ROPN1L: variants seen among roughly 807,000 people sequenced by gnomAD.
The protein encoded by ROPN1L is ropporin-1-like protein.
Under a neutral mutation model 22.7 loss-of-function variants are expected in ROPN1L, and 23 were observed. That is an observed-to-expected ratio of 1.01 (90% CI 0.73 to 1.43). The LOEUF (loss-of-function observed/expected upper bound fraction) is 1.43, where lower values mean the gene tolerates loss of function less well. ROPN1L is among the 40% of genes most tolerant of loss of function. ROPN1L has a pLI of 0.00. For synonymous variants in ROPN1L, 116 were observed against 117.8 expected (o/e 0.98, Z 0.10); for missense variants, 271 against 291.5 (o/e 0.93, Z 0.51).
downstream of ROPN1L, chr5:10,472,124 G>T (rs936016974): frequency 6.6e-6 from 1 of 152,240 alleles, no homozygotes; most frequent in Non-Finnish European, 1.5e-5. Flanking sequence ...CTCCAAGGAG[G>T]AGAAGTTGGG....
downstream of ROPN1L, among the ~76,000 whole-genome samples, chr5:10,467,857 C>T (rs973004959): frequency 6.6e-6 from 1 of 152,198 alleles, no homozygotes; most frequent in African/African-American, 2.4e-5. Flanking sequence ...GCCAAGGCCT[C>T]ATTCGGAGGA....
chr5:10,470,892 C>T (rs570477928), intron 4 of ROPN1L, among the ~76,000 whole-genome samples: 10 of 152,310 alleles, frequency 6.6e-5, no homozygotes, highest in South Asian at 2.1e-4. Flanking sequence ...CTGCCACGTA[C>T]GGGTTTTGCA....
At chr5:10,464,094 G>A (rs1272448090) in intron 4 of ROPN1L, among the ~76,000 whole-genome samples, 3 of 152,162 alleles carry the variant, frequency 2.0e-5, no homozygotes, top group Non-Finnish European at 4.4e-5. Flanking sequence ...TGTCCCAGCC[G>A]TCCTCGTCTC....
At chr5:10,454,644 G>C (rs150691185) in intron 3 of ROPN1L, among the ~76,000 whole-genome samples, 1 of 152,296 alleles carries the variant, frequency 6.6e-6, no homozygotes, top group African/African-American at 2.4e-5. Flanking sequence ...AAACGCATTT[G>C]AACTTTCTTA....
At chr5:10,466,803 A>T (rs187949687), downstream of ROPN1L, among the ~76,000 whole-genome samples, 87 of 152,230 alleles carry the variant, frequency 5.7e-4, no homozygotes, top group Non-Finnish European at 1.5e-4. Flanking sequence ...AGCACCGGAG[A>T]CCCAGTGCTT....
At chr5:10,453,352 C>G (rs1033694011) in intron 3 of ROPN1L, among the ~76,000 whole-genome samples, 1 of 152,092 alleles carries the variant, frequency 6.6e-6, no homozygotes, top group Non-Finnish European at 1.5e-5. Flanking sequence ...AGGAGGTGCT[C>G]GGACCCTCCA....
chr5:10,454,316 A>G (rs768451994), intron 3 of ROPN1L, among the ~76,000 whole-genome samples: 6 of 152,078 alleles, frequency 3.9e-5, no homozygotes, highest in Admixed American at 6.6e-5. Context: ...AGAGACAAGT[A>G]TCTTGCCATG....
At chr5:10,442,931 G>T (rs1740932725) in intron 1 of ROPN1L, among the ~76,000 whole-genome samples, 1 of 152,218 alleles carries the variant, frequency 6.6e-6, no homozygotes, top group Non-Finnish European at 1.5e-5. Flanking sequence ...GGCATTAAAA[G>T]AAATCCTCTT....
downstream of ROPN1L, among the ~76,000 whole-genome samples, chr5:10,469,986 A>G (rs1483501772): frequency 6.6e-6 from 1 of 152,244 alleles, no homozygotes; most frequent in Non-Finnish European, 1.5e-5. Flanking sequence ...TCATTGTGTG[A>G]GAGAATCTAA....
chr5:10,478,604 G>A, the ROPN1L span, among the ~76,000 whole-genome samples: 3 of 152,136 alleles, frequency 2.0e-5, no homozygotes, highest in Non-Finnish European at 2.9e-5. Flanking sequence ...CTGTGCGTAC[G>A]ACTGTGCATC....
At chr5:10,466,450 T>G (rs1041593953), downstream of ROPN1L, among the ~76,000 whole-genome samples, 6 of 152,182 alleles carry the variant, frequency 3.9e-5, no homozygotes, top group Admixed American at 3.9e-4. Flanking sequence ...ACAGCATCAC[T>G]GGGCTCAAGA....
At chr5:10,463,701 G>A (rs1431504235) in intron 4 of ROPN1L, among the ~76,000 whole-genome samples, 1 of 152,148 alleles carries the variant, frequency 6.6e-6, no homozygotes, top group Non-Finnish European at 1.5e-5. Context: ...GCAGGTGCCG[G>A]GGATGTAGTC....
intron 3 of ROPN1L, among the ~76,000 whole-genome samples, chr5:10,455,658 C>G (rs906674965): frequency 6.6e-6 from 1 of 152,242 alleles, no homozygotes; most frequent in Non-Finnish European, 1.5e-5. Context: ...ACTGCTCCTT[C>G]CCATTCAGGG....
rs1392584471 is a variant in ROPN1L at position 10,441,962 on chromosome 5, G to A, written c.-206G>A. ...GCAGGGTCTAGGGTGTTGTCGGAGT[G>A]GCAGTTGGTCCGAATTTCTCCCGAA... On this transcript the variant is annotated 5_prime_UTR_variant, in exon 1 of 5. Transcript: ENST00000274134. 6 of 591,014 alleles carry A rather than the reference G, an allele frequency of 1.0e-5. No homozygotes were observed. In the East Asian group the frequency reaches 1.5e-4, roughly 15 times the overall value. 36.6% of individuals were successfully genotyped at this position (591,014 alleles called of 1,614,324 possible). A position where few individuals can be genotyped will look rare whatever the true frequency, so the allele number is the denominator to read the frequency against.
chr5:10,459,711 G>A (rs556646646), intron 3 of ROPN1L, among the ~76,000 whole-genome samples: 18 of 152,090 alleles, frequency 1.2e-4, no homozygotes, highest in Admixed American at 2.6e-4. Context: ...TGCTCTGACC[G>A]TCCCTGACCA....
chr5:10,448,797 C>T (rs541553281), intron 2 of ROPN1L, among the ~76,000 whole-genome samples: 1 of 152,330 alleles, frequency 6.6e-6, no homozygotes, highest in South Asian at 2.1e-4. Flanking sequence ...GTCTGGAAGG[C>T]GGGGCTGGCC....
intron 1 of ROPN1L, among the ~76,000 whole-genome samples, chr5:10,445,879 C>T (rs1303248847): frequency 6.6e-6 from 1 of 152,206 alleles, no homozygotes; most frequent in Non-Finnish European, 1.5e-5. Flanking sequence ...GCCATGTTCA[C>T]AACACTCTAC....
downstream of ROPN1L, among the ~76,000 whole-genome samples, chr5:10,467,145 C>T (rs12520289): frequency 3.3e-5 from 5 of 151,894 alleles, no homozygotes; most frequent in Non-Finnish European, 5.9e-5. Flanking sequence ...AGTTCCTCCG[C>T]GCCACATTAC....
At position 10,450,112 on chromosome 5, in the gene ROPN1L, G is replaced by A. The variant is rs1394581689; in HGVS notation, c.416G>A (p.Gly139Glu). ...FLALGCSMLGGSLNTALKHLC... is the reference protein window; with the variant it reads ...FLALGCSMLGESLNTALKHLC... ...GCGCTTGGATGCAGCATGCTTGGTGGGGTATGTACCTATAAACAGCATATT... is the reference window on the plus strand; with the variant it reads ...GCGCTTGGATGCAGCATGCTTGGTGAGGTATGTACCTATAAACAGCATATT... The change falls in exon 3 of 5, where the codon GGG becomes GAG. Residue 139 changes from glycine to glutamate, a missense_variant and splice_region_variant. Physicochemically the swap from Gly to Glu is moderately conservative, Grantham distance 98. Transcript: ENST00000274134. The A allele has an allele frequency of 6.2e-7, 1 of 1,607,994 alleles. No individual in the cohort carries two copies. The highest frequency in any genetic ancestry group is 1.1e-5 in the South Asian group (1 of 90,124).
Sources: gnomAD v4.1 joint callset for allele counts (sites outside exome capture counted in the v4.1 genomes callset) on GRCh38, gnomAD v4.1.1 for gene constraint, MANE v1.5 for transcripts, NCBI Gene and HGNC (gene_info 2026-07-23, HGNC 2026-07-21) for gene names.